Variants in ADGRV1 observed in about 807,000 individuals in gnomAD.
The protein encoded by ADGRV1 is adhesion G protein-coupled receptor V1.
A neutral mutation model predicts 596.2 loss-of-function variants in ADGRV1; 359 were observed. The observed-to-expected ratio is 0.60, with a 90% CI of 0.55 to 0.66. ADGRV1 has a LOEUF of 0.66. ADGRV1 is among the 30% of genes least tolerant of loss of function. The pLI, the probability that ADGRV1 is intolerant of heterozygous loss-of-function variation, is 0.00. For missense variants in ADGRV1, 7,274 were observed against 7,575.6 expected, an observed-to-expected ratio of 0.96 and a Z score of 1.48; for synonymous variants, 2,681 against 2,679.2, an observed-to-expected ratio of 1.00 and a Z score of -0.02.
At position 90,768,617 on chromosome 5, in the gene ADGRV1, A is replaced by C. The variant is rs183654004; in HGVS notation, c.12285+5148A>C. ...GTGGAGTCACCATTGCCCATCTTAC[A>C]GGGAAATTCTCACAATAATTCTGTT... On this transcript the variant is annotated intron_variant, in intron 59 of 89. Transcript: ENST00000405460. Among the ~76,000 whole-genome samples, 198 of 152,306 alleles carry C rather than the reference A, an allele frequency of 1.3e-3. 1 individual carries two copies. Among genetic ancestry groups the C allele is most frequent in the African/African-American group, 4.5e-3 (185 of 41,570 alleles).
chr5:90,637,748 T>C lies in ADGRV1; in HGVS notation c.2040T>C (p.Asp680=). The change falls in exon 11 of 90, where the codon GAT becomes GAC. Residue 680 remains aspartate (D), a synonymous_variant. Coordinates refer to ENST00000405460, the MANE Select transcript of ADGRV1 (RefSeq NM_032119.4). ...AEVVYIPLHR[D]GTDGQATVYW... is the part of the protein sequence containing the mutation. ...AGGTATACATTCCCTTACATCGGGATGGAACTGATGGCCAGGCTACTGTCT... is the reference window on the plus strand; with the variant it reads ...AGGTATACATTCCCTTACATCGGGACGGAACTGATGGCCAGGCTACTGTCT... 6.2e-7 allele frequency: 1 copy of C among 1,612,666 alleles called. No homozygotes were observed. Among genetic ancestry groups the C allele is most frequent in the Non-Finnish European group, 8.5e-7 (1 of 1,179,340 alleles).
intron 21 of ADGRV1, among the ~76,000 whole-genome samples, chr5:90,659,605 T>G (rs528409148): frequency 6.6e-6 from 1 of 152,208 alleles, no homozygotes; most frequent in Non-Finnish European, 1.5e-5. Context: ...ACTTGTCAAA[T>G]TTTGGATTTT....
At chr5:90,876,844 G>A (rs1012787718) in intron 83 of ADGRV1, among the ~76,000 whole-genome samples, 22 of 152,084 alleles carry the variant, frequency 1.4e-4, no homozygotes, top group African/African-American at 3.1e-4. Context: ...CATTGCTCCC[G>A]TTCTCCAACT....
chr5:90,812,839 A>T (rs1299596588), intron 74 of ADGRV1, among the ~76,000 whole-genome samples: 1 of 151,942 alleles, frequency 6.6e-6, no homozygotes, highest in Non-Finnish European at 1.5e-5. Flanking sequence ...TTCTATTAAA[A>T]TTAATTTGGT....
chr5:90,873,306 G>A (rs760201633), intron 83 of ADGRV1, among the ~76,000 whole-genome samples: 1 of 152,132 alleles, frequency 6.6e-6, no homozygotes, highest in Non-Finnish European at 1.5e-5. Flanking sequence ...GGATGGGGGA[G>A]GAGCTTGGTT....
chr5:90,725,943 A>G (rs1167453270), intron 48 of ADGRV1, among the ~76,000 whole-genome samples: 2 of 152,240 alleles, frequency 1.3e-5, no homozygotes, highest in Non-Finnish European at 2.9e-5. Flanking sequence ...TCACACAGCC[A>G]GACAGAGTAT....
At chr5:90,570,344 T>G (rs1756357654) in intron 1 of ADGRV1, among the ~76,000 whole-genome samples, 1 of 152,180 alleles carries the variant, frequency 6.6e-6, no homozygotes, top group Admixed American at 6.5e-5. Context: ...TTCCTTCCTC[T>G]TTCGTGATTC....
chr5:90,820,776 G>A (rs906354451), intron 75 of ADGRV1, among the ~76,000 whole-genome samples: 17 of 151,824 alleles, frequency 1.1e-4, no homozygotes, highest in East Asian at 2.0e-4. Context: ...GGTTTCTGCC[G>A]AGAGATCCGC....
At chr5:90,988,485 C>G (rs193242839) in intron 85 of ADGRV1, among the ~76,000 whole-genome samples, 3 of 152,190 alleles carry the variant, frequency 2.0e-5, no homozygotes, top group Admixed American at 2.0e-4. Context: ...TACTTTTCCC[C>G]CTGTACGTTG....
At chr5:90,986,259 A>T (rs1305381703) in intron 85 of ADGRV1, among the ~76,000 whole-genome samples, 2 of 151,784 alleles carry the variant, frequency 1.3e-5, no homozygotes. Context: ...TAAGGAAGAG[A>T]AAAAGTAGAA....
At chr5:90,627,942 A>G in intron 7 of ADGRV1, 166 bp downstream of exon 7, 1 of 438,192 alleles carries the variant, frequency 2.3e-6, no homozygotes, top group Non-Finnish European at 4.0e-6. Context: ...ACACACACAC[A>G]CACACACACA....
chr5:91,079,060 C>CTAAAG (rs1789101872), intron 86 of ADGRV1, among the ~76,000 whole-genome samples: 1 of 152,000 alleles, frequency 6.6e-6, no homozygotes, highest in Non-Finnish European at 1.5e-5. Flanking sequence ...GGGGCTTCTG[C>CTAAAG]TAAAGTAAAG....
At chr5:90,808,580 G>A (rs960759274) in intron 73 of ADGRV1, among the ~76,000 whole-genome samples, 3 of 152,154 alleles carry the variant, frequency 2.0e-5, no homozygotes, top group African/African-American at 7.2e-5. Context: ...TGCTTTAACA[G>A]CAACAATAGT....
chr5:90,643,471 C>G (rs1016346657), intron 13 of ADGRV1, among the ~76,000 whole-genome samples: 1 of 152,114 alleles, frequency 6.6e-6, no homozygotes, highest in African/African-American at 2.4e-5. Flanking sequence ...TGCTTACTCA[C>G]CAATACATAT....
chr5:90,937,614 C>T (rs1341152076), intron 83 of ADGRV1, among the ~76,000 whole-genome samples: 5 of 152,088 alleles, frequency 3.3e-5, no homozygotes, highest in South Asian at 4.1e-4. Context: ...CCCACCACCA[C>T]GCCCAGCTAA....
intron 75 of ADGRV1, among the ~76,000 whole-genome samples, chr5:90,819,765 A>G (rs1581223748): frequency 6.6e-6 from 1 of 152,168 alleles, no homozygotes; most frequent in East Asian, 1.9e-4. Flanking sequence ...GTTTGATTGC[A>G]CTGTGGTCTG....
intron 85 of ADGRV1, among the ~76,000 whole-genome samples, chr5:90,996,797 CA>C (rs1290048523): frequency 6.6e-6 from 1 of 152,184 alleles, no homozygotes; most frequent in African/African-American, 2.4e-5. Context: ...CTTGGGAGCC[CA>C]CGCCTAGTGT....
chr5:91,002,724 G>A lies in ADGRV1; in HGVS notation c.18152+17202G>A, dbSNP rs992813719. On this transcript the variant is annotated intron_variant, in intron 85 of 89. Coordinates refer to ENST00000405460, the MANE Select transcript of ADGRV1 (RefSeq NM_032119.4). ...TAAATTTATTTACTCATTCTAGAATGAGATCCCCATGGGGCCTCATGTTGT... is the reference window on the plus strand; with the variant it reads ...TAAATTTATTTACTCATTCTAGAATAAGATCCCCATGGGGCCTCATGTTGT... 2.0e-5 allele frequency among the ~76,000 whole-genome samples: 3 copies of A among 151,978 alleles called. No homozygotes were observed. In the South Asian group the frequency reaches 6.2e-4, roughly 32 times the overall value.
chr5:91,150,285 G>GTC (rs1209240734), intron 88 of ADGRV1, 64 bp downstream of exon 88: 18 of 1,240,010 alleles, frequency 1.5e-5, no homozygotes, highest in Non-Finnish European at 1.7e-5. Flanking sequence ...CTCTCTGTCT[G>GTC]TCTCTCTCTC....
Sources: gnomAD v4.1 joint callset for allele counts (sites outside exome capture counted in the v4.1 genomes callset) on GRCh38, gnomAD v4.1.1 for gene constraint, MANE v1.5 for transcripts, NCBI Gene and HGNC (gene_info 2026-07-23, HGNC 2026-07-21) for gene names.